Variants in GRID2IP observed in about 807,000 individuals in gnomAD.
GRID2IP encodes delphilin.
A neutral mutation model predicts 114.3 loss-of-function variants in GRID2IP; 78 were observed. The ratio of observed to expected loss-of-function variants is 0.68; its 90% CI spans 0.57 to 0.82. The LOEUF is 0.82. Ranked by LOEUF, GRID2IP falls within the 40% of genes least tolerant of loss-of-function variation. The probability of loss-of-function intolerance (pLI) is 0.00; values close to 1 mark genes in which losing one functional copy is unlikely to be tolerated. For missense variants in GRID2IP, 1,727 were observed against 1,678.5 expected (o/e 1.03, Z -0.51); for synonymous variants, 809 against 724.0 (o/e 1.12, Z -1.89).
Position 6,520,602 on chromosome 7 carries a change from G to A in GRID2IP, c.1244C>T (p.Ala415Val). The A allele has an allele frequency of 1.3e-6, 2 of 1,551,468 alleles. No individual in the cohort carries two copies. The highest frequency in any genetic ancestry group is 2.4e-5 in the South Asian group (2 of 84,048). The part of the protein sequence containing the change: ...TPPERYGVCR[A>V]LESFFQHRNI... Reference sequence around the variant, plus strand: ...CCTGTGCTGGAAGAAGCTCTCGAGGGCCCGGCAGACCCCATAGCGCTCAGG... The same window carrying A: ...CCTGTGCTGGAAGAAGCTCTCGAGGACCCGGCAGACCCCATAGCGCTCAGG... The change falls in exon 7 of 22, where the codon GCC becomes GTC. Residue 415 changes from alanine (A) to valine (V), a missense_variant. Ala to Val is a moderately conservative substitution (Grantham distance 64). Transcript: ENST00000457091. This position sits in a 1 kb window ranked among gnomAD's most constrained non-coding sequence, Gnocchi z 4.6.
intron 4 of GRID2IP, among the ~76,000 whole-genome samples, chr7:6,524,690 A>G (rs796235870): frequency 8.6e-5 from 13 of 151,896 alleles, no homozygotes; most frequent in African/African-American, 3.1e-4. Context: ...ACTGCACTCC[A>G]GCCTGGGTGA....
At position 6,521,040 on chromosome 7, in the gene GRID2IP, G is replaced by A. The variant is rs1336237697; in HGVS notation, c.1085-279C>T. Among the ~76,000 whole-genome samples, 2 of 152,170 alleles carry A rather than the reference G, an allele frequency of 1.3e-5. No individual in the cohort carries two copies. Among genetic ancestry groups the A allele is most frequent in the Admixed American group, 6.5e-5 (1 of 15,270 alleles). On this transcript the variant is annotated intron_variant, in intron 6 of 21. Coordinates refer to ENST00000457091, the MANE Select transcript of GRID2IP (RefSeq NM_001145118.2). The surrounding 1 kb of genome is among the most constrained non-coding windows in gnomAD (Gnocchi z 4.1). ...GGCGGGAGTGCAATGGCGTGATCTC[G>A]GCTCACTGCAACCTCCGCTTCCTGG...
In GRID2IP at chr7:6,551,248, C is replaced by A. The variant is rs1779975262; in HGVS notation, c.189G>T (p.Glu63Asp). 6.5e-7 allele frequency: 1 copy of A among 1,532,948 alleles called. No individual in the cohort carries two copies. Among genetic ancestry groups the A allele is most frequent in the Non-Finnish European group, 8.7e-7 (1 of 1,144,926 alleles). 95.0% of individuals were successfully genotyped at this position (1,532,948 alleles called of 1,614,324 possible). A position where few individuals can be genotyped will look rare whatever the true frequency, so the allele number is the denominator to read the frequency against. The change falls in exon 1 of 22, where the codon GAG (glutamate) becomes GAT (aspartate). Residue 63 changes from glutamate (E) to aspartate (D), a missense_variant. By Grantham distance (45) the Glu-to-Asp change is conservative. Coordinates refer to ENST00000457091, the MANE Select transcript of GRID2IP (RefSeq NM_001145118.2). ...AGCGCCGTGCCAGGCGCACGAGGCG[C>A]TCGCGGCTCAGACCGCCCACCGCCA... is the stretch of plus-strand genomic sequence containing the variant. The part of the protein sequence containing the change: ...EGLAVGGLSR[E>D]RLVRLARRCP...
chr7:6,503,594 G>C lies in GRID2IP; in HGVS notation c.2804C>G (p.Ala935Gly), dbSNP rs763777860. 44 of 1,529,314 alleles carry C rather than the reference G, an allele frequency of 2.9e-5. 1 individual carries two copies. The East Asian group carries it at 8.5e-4, about 29-fold the overall frequency. The allele number at this position is 1,529,314 out of a possible 1,614,324, so 94.7% of individuals were successfully genotyped here. ...EPRRLEPAHLAQLLLFAPDAD... is the reference protein window; with the variant it reads ...EPRRLEPAHLGQLLLFAPDAD... The stretch of plus-strand genomic sequence containing the variant: ...GTCGGGCGCGAAGAGCAGCAGCTGC[G>C]CGAGATGTGCGGGCTCCAGGCGCCG... Residue 935 changes from alanine (A) to glycine (G), a missense_variant, in exon 16 of 22, where the codon GCG becomes GGG. Ala to Gly is a moderately conservative substitution (Grantham distance 60). Coordinates refer to ENST00000457091, the MANE Select transcript of GRID2IP (RefSeq NM_001145118.2).
chr7:6,516,647 G>C lies in GRID2IP; in HGVS notation c.1269-2118C>G, dbSNP rs775878264. ...CTGCTTGCCCGCCCGCAGCCACCCA[G>C]AGGCCTAACGCTGTCCCTGTGATGC... On this transcript the variant is annotated intron_variant, in intron 7 of 21. Coordinates refer to ENST00000457091, the MANE Select transcript of GRID2IP (RefSeq NM_001145118.2). The surrounding 1 kb of genome is among the most constrained non-coding windows in gnomAD (Gnocchi z 4.3). 8.5e-5 allele frequency among the ~76,000 whole-genome samples: 13 copies of C among 152,334 alleles called. No individual in the cohort carries two copies. Among genetic ancestry groups the C allele is most frequent in the Middle Eastern group, 3.4e-3 (1 of 294 alleles).
In GRID2IP at chr7:6,506,665, C is replaced by T. The variant is rs1461347063; in HGVS notation, c.2545-758G>A. On this transcript the variant is annotated intron_variant, in intron 13 of 21. Coordinates refer to ENST00000457091, the MANE Select transcript of GRID2IP (RefSeq NM_001145118.2). This position sits in a 1 kb window ranked among gnomAD's most constrained non-coding sequence, Gnocchi z 5.2. Reference sequence around the variant, plus strand: ...GACCCAGGAGGTCCTTATTTGTGCCCTTGTCTCACTGAGGTATTTTTTTTT... The same window carrying T: ...GACCCAGGAGGTCCTTATTTGTGCCTTTGTCTCACTGAGGTATTTTTTTTT... Among the ~76,000 whole-genome samples, 5 of 149,990 alleles carry T rather than the reference C, an allele frequency of 3.3e-5. No individual in the cohort carries two copies. The highest frequency in any genetic ancestry group is 7.4e-5 in the Non-Finnish European group (5 of 67,704).
intron 2 of GRID2IP, chr7:6,531,319 G>C: frequency 2.6e-6 from 1 of 390,836 alleles, no homozygotes; most frequent in Non-Finnish European, 4.5e-6. Flanking sequence ...CCTTTTGGTC[G>C]CTCTGGGGTG....
intron 7 of GRID2IP, among the ~76,000 whole-genome samples, chr7:6,515,630 G>T (rs894980467): frequency 6.6e-6 from 1 of 151,372 alleles, no homozygotes; most frequent in African/African-American, 2.4e-5. Flanking sequence ...ATACAAAAAT[G>T]TGGTAGGCAT....
rs1249149470 is a variant in GRID2IP, at chr7:6,507,829, G to C, written c.2544+156C>G. 6.6e-6 allele frequency among the ~76,000 whole-genome samples: 1 copy of C among 152,204 alleles called. No homozygotes were observed. Among genetic ancestry groups the C allele is most frequent in the Non-Finnish European group, 1.5e-5 (1 of 68,032 alleles). ...CTTCAATGCCTGCAGTGGCCCCCAA[G>C]CGTGGGGACGTTCTTGGGCTGGGCC... On this transcript the variant is annotated intron_variant, in intron 13 of 21. Coordinates refer to ENST00000457091, the MANE Select transcript of GRID2IP (RefSeq NM_001145118.2). This position sits in a 1 kb window ranked among gnomAD's most constrained non-coding sequence, Gnocchi z 5.3.
At chr7:6,499,225 G>A (rs1030612900) in intron 20 of GRID2IP, among the ~76,000 whole-genome samples, 3 of 152,102 alleles carry the variant, frequency 2.0e-5, no homozygotes, top group Non-Finnish European at 4.4e-5. Context: ...CCTGAGCCAC[G>A]GTTGAACCCA....
intron 1 of GRID2IP, among the ~76,000 whole-genome samples, chr7:6,540,194 C>A (rs962071685): frequency 6.9e-6 from 1 of 145,474 alleles, no homozygotes; most frequent in Non-Finnish European, 1.5e-5. Context: ...CACACTAGAA[C>A]CTCCATCTCC....
intron 1 of GRID2IP, among the ~76,000 whole-genome samples, chr7:6,548,279 G>A (rs535084916): frequency 2.6e-5 from 4 of 152,000 alleles, no homozygotes; most frequent in Non-Finnish European, 4.4e-5. Context: ...CTTAAACCCG[G>A]GAGGCGGAGG....
At chr7:6,510,441 C>G in intron 10 of GRID2IP, 41 bp from the exon 11 acceptor site, 1 of 1,435,368 alleles carries the variant, frequency 7.0e-7, no homozygotes, top group Non-Finnish European at 9.3e-7. Flanking sequence ...TTCTGCTTCC[C>G]CTCGTAGCCC....
chr7:6,544,086 C>T (rs932793422), intron 1 of GRID2IP, among the ~76,000 whole-genome samples: 2 of 151,860 alleles, frequency 1.3e-5, no homozygotes, highest in African/African-American at 2.4e-5. Flanking sequence ...TCTGAGCCAT[C>T]GTGCCTGGCC....
chr7:6,504,758 C>T (rs1191949818), intron 15 of GRID2IP, 35 bp downstream of exon 15: 2 of 1,512,970 alleles, frequency 1.3e-6, no homozygotes, highest in East Asian at 2.5e-5. Flanking sequence ...CCGCCGCCTG[C>T]CCCCTACACC....
rs1583346971 is a variant in GRID2IP at position 6,526,598 on chromosome 7, C to T, written c.756G>A (p.Pro252=). 3.5e-5 allele frequency: 42 copies of T among 1,191,964 alleles called. 2 individuals are homozygous for T. The East Asian group carries it at 1.5e-3, about 42-fold the overall frequency. 73.8% of individuals were successfully genotyped at this position (1,191,964 alleles called of 1,614,324 possible). Residue 252 remains proline (P), a synonymous_variant, in exon 3 of 22, where the codon CCG becomes CCA. Coordinates refer to ENST00000457091, the MANE Select transcript of GRID2IP (RefSeq NM_001145118.2). The surrounding 1 kb of genome is among the most constrained non-coding windows in gnomAD (Gnocchi z 7.6). ...GCGGGGGCGGCTCATCGGGGCGGCG[C>T]GGCGGGGCGCTGGCGCGCGTGGACA... ...LLVSTRASAP[P]RRPDEPPPRR... is the part of the protein sequence containing the mutation.
At chr7:6,527,088 C>CTG (rs1172881689) in intron 2 of GRID2IP, among the ~76,000 whole-genome samples, 1 of 152,142 alleles carries the variant, frequency 6.6e-6, no homozygotes, top group East Asian at 1.9e-4. Flanking sequence ...GTTCCTCCTC[C>CTG]TGCCTCTGTC....
chr7:6,514,865 T>C (rs543561849), intron 7 of GRID2IP, among the ~76,000 whole-genome samples: 28 of 151,412 alleles, frequency 1.8e-4, no homozygotes, highest in Admixed American at 1.3e-4. Flanking sequence ...GGCAGGAGAA[T>C]TGCTTGAGCC....
At chr7:6,498,671 C>T (rs1427116078) in intron 20 of GRID2IP, among the ~76,000 whole-genome samples, 2 of 146,470 alleles carry the variant, frequency 1.4e-5, no homozygotes, top group Non-Finnish European at 3.0e-5. Context: ...ATTCCAGCCT[C>T]TACCTCCCAG....
Sources: gnomAD v4.1 joint callset for allele counts (sites outside exome capture counted in the v4.1 genomes callset) on GRCh38, gnomAD v4.1.1 for gene constraint, Gnocchi (gnomAD v3.1) non-coding constraint, MANE v1.5 for transcripts, NCBI Gene and HGNC (gene_info 2026-07-23, HGNC 2026-07-21) for gene names.